The following MINAR2 variants were observed in gnomAD, a reference collection of about 807,000 sequenced individuals.
MINAR2 encodes membrane integral NOTCH2 associated receptor 2.
In MINAR2, 21 loss-of-function variants were observed where a neutral mutation model predicts 16.1. That is an observed-to-expected ratio of 1.31 (90% CI 0.93 to 1.88). The LOEUF is 1.88. MINAR2 is among the 40% of genes most tolerant of loss of function. MINAR2 has a pLI of 0.00. For missense variants in MINAR2, 259 were observed against 229.8 expected, an observed-to-expected ratio of 1.13 and a Z score of -0.82; for synonymous variants, 86 against 83.0, an observed-to-expected ratio of 1.04 and a Z score of -0.20.
At chr5:129,753,793 G>C (rs1183632668) in intron 1 of MINAR2, among the ~76,000 whole-genome samples, 1 of 146,486 alleles carries the variant, frequency 6.8e-6, no homozygotes, top group Non-Finnish European at 1.5e-5. Context: ...GAGAGAGAGA[G>C]AGACAGAGAA....
chr5:129,753,708 G>A (rs1299336403), intron 1 of MINAR2, among the ~76,000 whole-genome samples: 2 of 151,796 alleles, frequency 1.3e-5, no homozygotes, highest in Non-Finnish European at 2.9e-5. Context: ...AGCTGAGATC[G>A]CGCCATTGTT....
intron 1 of MINAR2, among the ~76,000 whole-genome samples, chr5:129,751,649 TCTC>T (rs1757986419): frequency 2.0e-5 from 3 of 152,166 alleles, no homozygotes; most frequent in Admixed American, 2.0e-4. Flanking sequence ...TATTTATACT[TCTC>T]CTTAAATTCT....
Position 129,764,965 on chromosome 5 carries a change from C to A in MINAR2, c.475C>A (p.Gln159Lys). Reference protein sequence around the residue: ...FDTLLKKEEKQEKHSKFCRMG... With the variant: ...FDTLLKKEEKKEKHSKFCRMG... ...CACTTTATTGAAAAAGGAAGAGAAACAAGAGAAGCATTCAAAATTCTGTCG... is the reference window on the plus strand; with the variant it reads ...CACTTTATTGAAAAAGGAAGAGAAAAAAGAGAAGCATTCAAAATTCTGTCG... Residue 159 changes from glutamine (Q) to lysine (K), a missense_variant, in exon 3 of 3, where the codon CAA (glutamine) becomes AAA (lysine). Physicochemically the swap from Gln to Lys is moderately conservative, Grantham distance 53 (BLOSUM62 1). Coordinates refer to ENST00000564719, the MANE Select transcript of MINAR2 (RefSeq NM_001257308.2). The A allele has an allele frequency of 7.1e-7, 1 of 1,409,090 alleles. No individual in the cohort carries two copies. Among genetic ancestry groups the A allele is most frequent in the South Asian group, 1.7e-5 (1 of 59,268 alleles). 87.3% of individuals were successfully genotyped at this position (1,409,090 alleles called of 1,614,324 possible).
chr5:129,759,201 A>G (rs1758093509), intron 1 of MINAR2, among the ~76,000 whole-genome samples: 1 of 152,242 alleles, frequency 6.6e-6, no homozygotes, highest in South Asian at 2.1e-4. Context: ...TATGACTCAG[A>G]AGAATAAAAT....
chr5:129,764,954 A>G lies in MINAR2; in HGVS notation c.464A>G (p.Lys155Arg). Reference protein sequence around the residue: ...YTPGFDTLLKKEEKQEKHSKF... With the variant: ...YTPGFDTLLKREEKQEKHSKF... ...CCAGGTTTTGACACTTTATTGAAAA[A>G]GGAAGAGAAACAAGAGAAGCATTCA... The change falls in exon 3 of 3, where the codon AAG becomes AGG. Residue 155 changes from lysine to arginine, a missense_variant. By Grantham distance (26) the Lys-to-Arg change is conservative (BLOSUM62 2). Coordinates refer to ENST00000564719, the MANE Select transcript of MINAR2 (RefSeq NM_001257308.2). 1.4e-6 allele frequency: 2 copies of G among 1,405,032 alleles called. No individual in the cohort carries two copies. The highest frequency in any genetic ancestry group is 1.7e-5 in the South Asian group (1 of 58,300). 87.0% of individuals were successfully genotyped at this position (1,405,032 alleles called of 1,614,324 possible). A position where few individuals can be genotyped will look rare whatever the true frequency, so the allele number is the denominator to read the frequency against.
intron 1 of MINAR2, among the ~76,000 whole-genome samples, chr5:129,749,012 T>C (rs1466694206): frequency 6.6e-6 from 1 of 152,298 alleles, no homozygotes; most frequent in Admixed American, 6.5e-5. Context: ...TCTTTTGCAT[T>C]TTCCTTCTTT....
rs1758223867 is a variant in MINAR2, at chr5:129,766,659, A to AAAC, written c.*1597_*1598insACA. 1 of 141,960 alleles carries AAAC rather than the reference A, an allele frequency of 7.0e-6. No homozygotes were observed. The highest frequency in any genetic ancestry group is 6.8e-5 in the Admixed American group (1 of 14,602). 8.8% of individuals were successfully genotyped at this position (141,960 alleles called of 1,614,324 possible). On this transcript the variant is annotated 3_prime_UTR_variant, in exon 3 of 3. Transcript: ENST00000564719. ...TAAAAAAAAAAAAAAAAAAAAAACA[A>AAAC]ACAAACAAACAAAAAAAACCCCAAA...
intron 1 of MINAR2, among the ~76,000 whole-genome samples, chr5:129,755,766 CT>C (rs1259662260): frequency 6.6e-6 from 1 of 151,966 alleles, no homozygotes; most frequent in Non-Finnish European, 1.5e-5. Context: ...TAGCTTTCAA[CT>C]TTGTTTATCT....
At chr5:129,751,182 T>C (rs536751734) in intron 1 of MINAR2, among the ~76,000 whole-genome samples, 63 of 152,266 alleles carry the variant, frequency 4.1e-4, no homozygotes, top group African/African-American at 1.5e-3. Flanking sequence ...GTCATTTTTA[T>C]ATGAGCTAAA....
intron 1 of MINAR2, among the ~76,000 whole-genome samples, chr5:129,755,391 G>T (rs1241497338): frequency 5.3e-5 from 8 of 151,980 alleles, no homozygotes. Context: ...GGAAGAATTT[G>T]ACTAATAAAT....
chr5:129,758,745 G>GA (rs201917975), intron 1 of MINAR2, among the ~76,000 whole-genome samples: 9 of 148,728 alleles, frequency 6.1e-5, no homozygotes, highest in East Asian at 2.0e-4. Context: ...TAGCCTTGAA[G>GA]AAAAAAAAAA....
intron 2 of MINAR2, 88 bp downstream of exon 2, chr5:129,760,693 A>G (rs1758123832): frequency 5.1e-6 from 5 of 974,160 alleles, no homozygotes; most frequent in Non-Finnish European, 6.0e-6. Context: ...AGTGACAGGT[A>G]CTCTTCACTA....
rs918776091 is a variant in MINAR2, at chr5:129,766,092, G to A, written c.*1029G>A. 2 of 152,196 alleles carry A rather than the reference G, an allele frequency of 1.3e-5. No individual in the cohort carries two copies. The highest frequency in any genetic ancestry group is 2.9e-5 in the Non-Finnish European group (2 of 68,044). 9.4% of individuals were successfully genotyped at this position (152,196 alleles called of 1,614,324 possible). ...TACCTTCCATTGTCTGCAGATACCT[G>A]GGGACATGGTTGTAGACACAGATGG... On this transcript the variant is annotated 3_prime_UTR_variant, in exon 3 of 3. Coordinates refer to ENST00000564719, the MANE Select transcript of MINAR2 (RefSeq NM_001257308.2).
At chr5:129,748,824 A>G (rs1296403360) in intron 1 of MINAR2, among the ~76,000 whole-genome samples, 1 of 152,184 alleles carries the variant, frequency 6.6e-6, no homozygotes, top group Non-Finnish European at 1.5e-5. Flanking sequence ...TAGCATACAC[A>G]GAAGACTTAG....
At chr5:129,764,127 C>G (rs1758175207) in intron 2 of MINAR2, among the ~76,000 whole-genome samples, 1 of 152,086 alleles carries the variant, frequency 6.6e-6, no homozygotes, top group Non-Finnish European at 1.5e-5. Flanking sequence ...ATAGACTTTG[C>G]AGGTGATTTA....
At chr5:129,764,163 T>A (rs1371968704) in intron 2 of MINAR2, among the ~76,000 whole-genome samples, 1 of 152,138 alleles carries the variant, frequency 6.6e-6, no homozygotes. Flanking sequence ...CAGGTTGACT[T>A]GATAATTCTA....
chr5:129,756,699 ATTATT>A (rs1214538559), intron 1 of MINAR2, among the ~76,000 whole-genome samples: 1 of 152,034 alleles, frequency 6.6e-6, no homozygotes, highest in African/African-American at 2.4e-5. Context: ...TCTCTGTGTA[ATTATT>A]TTAAGTTTTG....
chr5:129,752,713 C>T (rs1758000274), intron 1 of MINAR2, among the ~76,000 whole-genome samples: 1 of 151,648 alleles, frequency 6.6e-6, no homozygotes, highest in Non-Finnish European at 1.5e-5. Context: ...ATGTTCTGTA[C>T]ATGTATCCCA....
intron 2 of MINAR2, 104 bp downstream of exon 2, chr5:129,760,709 A>C (rs1409491639): frequency 1.2e-6 from 1 of 817,148 alleles, no homozygotes; most frequent in East Asian, 2.7e-5. Context: ...CACTAGGCGC[A>C]GAATCTCTAG....
Sources: gnomAD v4.1 joint callset for allele counts (sites outside exome capture counted in the v4.1 genomes callset) on GRCh38, gnomAD v4.1.1 for gene constraint, MANE v1.5 for transcripts, NCBI Gene and HGNC (gene_info 2026-07-23, HGNC 2026-07-21) for gene names.